Variants in UBA5 observed in about 807,000 individuals in gnomAD.
UBA5 encodes the protein ubiquitin like modifier activating enzyme 5.
Under a neutral mutation model 52.9 loss-of-function variants are expected in UBA5, and 28 were observed. The ratio of observed to expected loss-of-function variants is 0.53; its 90% CI spans 0.39 to 0.73. UBA5 has a LOEUF of 0.73. Among genes scored for constraint, UBA5 ranks in the 30% least tolerant of loss-of-function variants. The pLI is 0.00. For synonymous variants in UBA5, 135 were observed against 162.1 expected (o/e 0.83, Z 1.27); for missense variants, 388 against 492.7 (o/e 0.79, Z 2.01).
intron 8 of UBA5, among the ~76,000 whole-genome samples, chr3:132,674,349 T>C (rs1938738433): frequency 6.6e-6 from 1 of 152,206 alleles, no homozygotes; most frequent in African/African-American, 2.4e-5. Context: ...ATTTTGCCAT[T>C]ACTTTTAACA....
upstream of UBA5, chr3:132,659,566 A>AT (rs1559984517): frequency 5.0e-6 from 8 of 1,607,508 alleles, 1 homozygote; most frequent in South Asian, 4.4e-5. Context: ...CAATGTACAA[A>AT]TTTTTTTCCG....
In UBA5 at chr3:132,679,297, A is replaced by G. The variant is rs1306122169; in HGVS notation, c.*2771A>G. ...AAAAAGGTATTGATGAATAAAAATT[A>G]TAACTAGAATAAGTACTCTAACAAT... On this transcript the variant is annotated 3_prime_UTR_variant, in exon 12 of 12. Transcript: ENST00000356232. 6.6e-6 allele frequency among the ~76,000 whole-genome samples: 1 copy of G among 152,104 alleles called. No homozygotes were observed. The highest frequency in any genetic ancestry group is 1.5e-5 in the Non-Finnish European group (1 of 68,008).
intron 3 of UBA5, among the ~76,000 whole-genome samples, chr3:132,666,404 T>C (rs1037966492): frequency 2.6e-5 from 4 of 152,174 alleles, no homozygotes; most frequent in Non-Finnish European, 5.9e-5. Context: ...AATATTTTAT[T>C]AAACATATAC....
chr3:132,657,805 A>G (rs189988782), upstream of UBA5, among the ~76,000 whole-genome samples: 60 of 151,818 alleles, frequency 4.0e-4, no homozygotes, highest in Admixed American at 2.4e-3. Flanking sequence ...CACTTAATTT[A>G]TAAACATGTA....
intron 6 of UBA5, 102 bp from the exon 7 acceptor site, chr3:132,671,675 T>C (rs1271790518): frequency 4.4e-6 from 4 of 909,688 alleles, no homozygotes; most frequent in East Asian, 2.6e-5. Flanking sequence ...TGAAAATTAA[T>C]TTTAAAAGAC....
Position 132,660,401 on chromosome 3 carries a change from C to G in UBA5, c.-137C>G, listed in dbSNP as rs1938085161. The G allele has an allele frequency of 8.8e-7, 1 of 1,136,264 alleles. No individual in the cohort carries two copies. Among genetic ancestry groups the G allele is most frequent in the African/African-American group, 1.6e-5 (1 of 64,330 alleles). 70.4% of individuals were successfully genotyped at this position (1,136,264 alleles called of 1,614,324 possible). On this transcript the variant is annotated 5_prime_UTR_variant, in exon 1 of 12. Transcript: ENST00000356232. The surrounding 1 kb of genome is among the most constrained non-coding windows in gnomAD (Gnocchi z 4.1). ...GTCTGTCTGTGAGGCGCTGGGTGCA[C>G]GTCCCCAGGGCTCTGGGCTAGGAAG... is the stretch of plus-strand genomic sequence containing the variant.
chr3:132,665,880 C>A lies in UBA5; in HGVS notation c.207+12C>A, dbSNP rs1309633254. On this transcript the variant is annotated intron_variant, in intron 2 of 11. Coordinates refer to ENST00000356232, the MANE Select transcript of UBA5 (RefSeq NM_024818.6). ...TAAGCGACTATGAGGTATGATAAAC[C>A]CTTTCCAAGTTTTTGTAAGATTAAT... is the stretch of plus-strand genomic sequence containing the variant. 1.2e-6 allele frequency: 2 copies of A among 1,613,158 alleles called. No individual in the cohort carries two copies. Among genetic ancestry groups the A allele is most frequent in the Non-Finnish European group, 1.7e-6 (2 of 1,179,380 alleles).
chr3:132,669,418 CA>C (rs1299818981), intron 4 of UBA5, among the ~76,000 whole-genome samples: 1 of 152,024 alleles, frequency 6.6e-6, no homozygotes, highest in Non-Finnish European at 1.5e-5. Context: ...AGGCACGTGC[CA>C]CCATGCCTGG....
Position 132,677,069 on chromosome 3 carries a change from C to G in UBA5, c.*543C>G, listed in dbSNP as rs1308953219. ...GTTAACCTATGAAATAACATCCTCTCAAATGTTTGCTGATGAAGTACAAGT... is the reference window on the plus strand; with the variant it reads ...GTTAACCTATGAAATAACATCCTCTGAAATGTTTGCTGATGAAGTACAAGT... On this transcript the variant is annotated 3_prime_UTR_variant, in exon 12 of 12. Transcript: ENST00000356232. The G allele has an allele frequency of 7.7e-6, 2 of 258,344 alleles. No homozygotes were observed. The highest frequency in any genetic ancestry group is 1.6e-5 in the Non-Finnish European group (2 of 126,060). 16.0% of individuals were successfully genotyped at this position (258,344 alleles called of 1,614,324 possible). A position where few individuals can be genotyped will look rare whatever the true frequency, so the allele number is the denominator to read the frequency against.
At chr3:132,666,227 C>T (rs1938374086) in intron 3 of UBA5, 154 bp downstream of exon 3, 1 of 608,006 alleles carries the variant, frequency 1.6e-6, no homozygotes, top group Non-Finnish European at 2.9e-6. Context: ...GACATATCCC[C>T]ACCCAAACAA....
At chr3:132,669,099 GATA>G (rs1282203010) in intron 4 of UBA5, among the ~76,000 whole-genome samples, 172 bp downstream of exon 4, 1 of 152,120 alleles carries the variant, frequency 6.6e-6, no homozygotes, top group Non-Finnish European at 1.5e-5. Flanking sequence ...GTATAGGTTA[GATA>G]ATAAATATTT....
rs142229520 is a variant in UBA5, at chr3:132,670,477, A to G, written c.494+193A>G. ...AGGTATATATTGTCCAAAAACAATT[A>G]AAAATAAAAAGCAAACAAGCAAAAA... On this transcript the variant is annotated intron_variant, in intron 5 of 11. Transcript: ENST00000356232. Among the ~76,000 whole-genome samples the G allele has an allele frequency of 1.2e-3, 184 of 152,252 alleles. 1 individual carries two copies. The highest frequency in any genetic ancestry group is 3.8e-3 in the African/African-American group (158 of 41,562).
chr3:132,675,873 G>C lies in UBA5; in HGVS notation c.1081G>C (p.Val361Leu). 1 of 1,611,786 alleles carries C rather than the reference G, an allele frequency of 6.2e-7. No homozygotes were observed. Among genetic ancestry groups the C allele is most frequent in the South Asian group, 1.1e-5 (1 of 90,654 alleles). ...GGAACTGAAAAATTTTTCAGGTCCA[G>C]TTCCAGACTTACCTGAAGGAATTAC... ...EEELKNFSGP[V>L]PDLPEGITVA... Residue 361 changes from valine (V) to leucine (L), a missense_variant, in exon 11 of 12, where the codon GTT (valine) becomes CTT (leucine). Val to Leu is a conservative substitution (Grantham distance 32). This residue lies in a region of UBA5 where 277 missense variants were observed against 326.4 expected (regional missense o/e 0.85). Transcript: ENST00000356232.
chr3:132,669,887 TAAAAG>T (rs1576646433), intron 4 of UBA5, among the ~76,000 whole-genome samples: 1 of 152,256 alleles, frequency 6.6e-6, no homozygotes, highest in Non-Finnish European at 1.5e-5. Context: ...AAGTGTGAGA[TAAAAG>T]AGACAGAAAA....
At chr3:132,655,803 A>G (rs1353889916), upstream of UBA5, among the ~76,000 whole-genome samples, 1 of 152,244 alleles carries the variant, frequency 6.6e-6, no homozygotes, top group Admixed American at 6.5e-5. Context: ...GATACATATT[A>G]GGCACTCAGC....
upstream of UBA5, among the ~76,000 whole-genome samples, chr3:132,656,057 C>T (rs1345847565): frequency 6.6e-6 from 1 of 152,126 alleles, no homozygotes; most frequent in African/African-American, 2.4e-5. Context: ...GAGTGACTAC[C>T]ATTCTGAATT....
upstream of UBA5, chr3:132,660,124 G>A (rs1408885524): frequency 2.4e-5 from 8 of 339,382 alleles, no homozygotes; most frequent in Admixed American, 1.3e-4. This position sits in a 1 kb window ranked among gnomAD's most constrained non-coding sequence, Gnocchi z 4.1. Context: ...GCAGGGTCCC[G>A]TTCAGAAAAA....
upstream of UBA5, chr3:132,659,592 G>C (rs1179969866): frequency 3.1e-6 from 5 of 1,608,918 alleles, no homozygotes; most frequent in African/African-American, 1.3e-5. Flanking sequence ...GGCAAAGGCT[G>C]ACATCCATAC....
chr3:132,668,709 T>A (rs1193825513), intron 3 of UBA5, 109 bp from the exon 4 acceptor site: 5 of 662,348 alleles, frequency 7.5e-6, no homozygotes, highest in Non-Finnish European at 1.3e-5. Context: ...TTAGCTAATA[T>A]TATTATCAAA....
Sources: allele counts gnomAD v4.1 joint callset (sites outside exome capture counted in the v4.1 genomes callset), GRCh38; gene constraint gnomAD v4.1.1; regional missense constraint gnomAD v4.1.1; non-coding constraint Gnocchi (gnomAD v3.1); transcripts MANE v1.5; gene names NCBI Gene and HGNC (gene_info 2026-07-23, HGNC 2026-07-21).